TATDN1: variants seen among roughly 807,000 people sequenced by gnomAD.
The protein encoded by TATDN1 is TatD DNase domain containing 1, also known as deoxyribonuclease TATDN1.
A neutral mutation model predicts 46.4 loss-of-function variants in TATDN1; 40 were observed. The observed-to-expected ratio is 0.86, with a 90% CI of 0.67 to 1.12. TATDN1 has a LOEUF of 1.12. TATDN1 is among the 50% of genes most tolerant of loss of function. The pLI, the probability that TATDN1 is intolerant of heterozygous loss-of-function variation, is 0.00. For synonymous variants in TATDN1, 95 were observed against 105.6 expected, an observed-to-expected ratio of 0.90 and a Z score of 0.62; for missense variants, 326 against 348.4, an observed-to-expected ratio of 0.94 and a Z score of 0.51.
chr8:124,490,022 C>T (rs1210427082), intron 11 of TATDN1: 1 of 152,156 alleles, frequency 6.6e-6, no homozygotes, highest in South Asian at 2.1e-4. Context: ...TCAAGATACA[C>T]TAAAAGCAAA....
intron 9 of TATDN1, among the ~76,000 whole-genome samples, chr8:124,502,340 CAAA>C (rs1278936566): frequency 3.1e-5 from 2 of 64,698 alleles, no homozygotes; most frequent in African/African-American, 5.7e-5. Flanking sequence ...GAGTCCCTCT[CAAA>C]AAAAAAAAAA....
At chr8:124,495,388 A>G (rs1817376620) in intron 10 of TATDN1, 84 bp downstream of exon 10, 1 of 1,000,012 alleles carries the variant, frequency 1.0e-6, no homozygotes, top group Non-Finnish European at 1.5e-6. Context: ...GTTCACTTAA[A>G]GTTTGAAGTC....
Position 124,539,069 on chromosome 8 carries a change from CAGCGGA to C in TATDN1, c.-29_-24del. 1 of 1,612,184 alleles carries C rather than the reference CAGCGGA, an allele frequency of 6.2e-7. No homozygotes were observed. The highest frequency in any genetic ancestry group is 8.5e-7 in the Non-Finnish European group (1 of 1,178,382). The stretch of plus-strand genomic sequence containing the variant: ...CATGACTGCGCATGGAGGACCTCCC[CAGCGGA>C]AGCGGAAGTGGCCGCCGGCAACTCC... On this transcript the variant is annotated 5_prime_UTR_variant, in exon 1 of 12. Coordinates refer to ENST00000276692, the MANE Select transcript of TATDN1 (RefSeq NM_032026.4).
At chr8:124,532,977 G>C (rs531828672) in intron 1 of TATDN1, among the ~76,000 whole-genome samples, 45 of 152,360 alleles carry the variant, frequency 3.0e-4, no homozygotes, top group African/African-American at 1.0e-3. Context: ...ACGGGGCCAG[G>C]TGTAGTGGCT....
chr8:124,522,949 G>C lies in TATDN1; in HGVS notation c.76C>G (p.Gln26Glu). ...PMFRGIYRGV[Q>E]KHQDDLQDVI... Reference sequence around the variant, plus strand: ...AGGAAATATTTACCTTGATGCTTTTGAACCCCCCTATAAATTCCTCTGAAC... The same window carrying C: ...AGGAAATATTTACCTTGATGCTTTTCAACCCCCCTATAAATTCCTCTGAAC... Residue 26 changes from glutamine (Q) to glutamate (E), a missense_variant, in exon 2 of 12, where the codon CAA becomes GAA. Coordinates refer to ENST00000276692, the MANE Select transcript of TATDN1 (RefSeq NM_032026.4). 1.2e-6 allele frequency: 2 copies of C among 1,613,116 alleles called. No individual in the cohort carries two copies. Among genetic ancestry groups the C allele is most frequent in the Non-Finnish European group, 1.7e-6 (2 of 1,179,484 alleles).
chr8:124,499,637 G>A (rs183362692), intron 9 of TATDN1, among the ~76,000 whole-genome samples: 13 of 151,876 alleles, frequency 8.6e-5, no homozygotes, highest in African/African-American at 2.4e-4. Flanking sequence ...TCCGCCTCCC[G>A]GGTTCACGCC....
chr8:124,525,591 T>G (rs79765402), intron 1 of TATDN1, among the ~76,000 whole-genome samples: 10,376 of 152,146 alleles, frequency 0.068, 1,187 homozygotes, highest in African/African-American at 0.23. Flanking sequence ...AAAATGTGGC[T>G]CAAAACCAAA....
chr8:124,506,720 A>G (rs187658635), intron 8 of TATDN1, among the ~76,000 whole-genome samples: 25 of 152,330 alleles, frequency 1.6e-4, no homozygotes, highest in African/African-American at 5.8e-4. Flanking sequence ...TAGCAGGCAT[A>G]GTGTAACTGT....
intron 9 of TATDN1, among the ~76,000 whole-genome samples, chr8:124,501,519 A>G (rs1210117168): frequency 6.6e-6 from 1 of 152,186 alleles, no homozygotes; most frequent in Admixed American, 6.5e-5. Context: ...CTGTGAGGAA[A>G]CAAATGCAGG....
At chr8:124,509,207 G>A (rs576886204) in intron 6 of TATDN1, among the ~76,000 whole-genome samples, 7 of 152,208 alleles carry the variant, frequency 4.6e-5, no homozygotes, top group Non-Finnish European at 7.3e-5. Context: ...ATCTTAAAGA[G>A]TACTTGATAA....
At chr8:124,518,289 C>A (rs1336877869) in intron 4 of TATDN1, among the ~76,000 whole-genome samples, 8 of 140,112 alleles carry the variant, frequency 5.7e-5, no homozygotes, top group African/African-American at 2.1e-4. Context: ...CTTTGGGAGG[C>A]TGAGGCGGGT....
intron 1 of TATDN1, 48 bp from the exon 2 acceptor site, chr8:124,523,050 A>G: frequency 6.6e-7 from 1 of 1,515,218 alleles, no homozygotes; most frequent in South Asian, 1.2e-5. Flanking sequence ...TCTACATGAA[A>G]CTTGTACTTA....
intron 2 of TATDN1, among the ~76,000 whole-genome samples, 158 bp downstream of exon 2, chr8:124,522,779 T>C (rs1404446784): frequency 1.3e-5 from 2 of 152,184 alleles, no homozygotes; most frequent in Non-Finnish European, 2.9e-5. Flanking sequence ...GCTCTTGAAC[T>C]CCTGAGCTCA....
chr8:124,514,742 T>C (rs562734479), intron 6 of TATDN1, among the ~76,000 whole-genome samples: 10 of 152,318 alleles, frequency 6.6e-5, no homozygotes, highest in Middle Eastern at 3.4e-3. Context: ...CCCACCAGTA[T>C]GATGACAGGA....
In TATDN1 at chr8:124,509,386, G is replaced by A. The variant is rs148892564; in HGVS notation, c.390-698C>T. Reference sequence around the variant, plus strand: ...TCTAATTCCAAGTCCCAGCCTAAACGACAAAAACCTGTTACGTTTTCAAGA... The same window carrying A: ...TCTAATTCCAAGTCCCAGCCTAAACAACAAAAACCTGTTACGTTTTCAAGA... On this transcript the variant is annotated intron_variant, in intron 6 of 11. Coordinates refer to ENST00000276692, the MANE Select transcript of TATDN1 (RefSeq NM_032026.4). 3.0e-3 allele frequency among the ~76,000 whole-genome samples: 452 copies of A among 152,298 alleles called. 1 individual carries two copies. The highest frequency in any genetic ancestry group is 3.2e-3 in the Non-Finnish European group (219 of 68,028).
chr8:124,515,644 A>G (rs1386644982), intron 6 of TATDN1, 102 bp downstream of exon 6: 1 of 1,180,900 alleles, frequency 8.5e-7, no homozygotes, highest in Non-Finnish European at 1.2e-6. Context: ...AAAAACAAAA[A>G]TATCCTCATG....
intron 9 of TATDN1, among the ~76,000 whole-genome samples, chr8:124,500,466 G>GGAGGCA (rs1433719574): frequency 5.3e-5 from 8 of 152,102 alleles, no homozygotes; most frequent in African/African-American, 1.9e-4. Flanking sequence ...AAGCACTCTG[G>GGAGGCA]GAGGCAGAGG....
chr8:124,515,783 C>A lies in TATDN1; in HGVS notation c.352G>T (p.Asp118Tyr). 1 of 1,613,736 alleles carries A rather than the reference C, an allele frequency of 6.2e-7. No individual in the cohort carries two copies. Among genetic ancestry groups the A allele is most frequent in the South Asian group, 1.1e-5 (1 of 90,944 alleles). Residue 118 changes from aspartate (D) to tyrosine (Y), a missense_variant, in exon 6 of 12, where the codon GAC becomes TAC. Asp to Tyr is a radical substitution (Grantham distance 160). Coordinates refer to ENST00000276692, the MANE Select transcript of TATDN1 (RefSeq NM_032026.4). ...TCTTTGGGACAAAACTGCAGTCGGT[C>A]AAAATCTTTAAAAAGATAAAGAAGA... ...VAIGECGLDF[D>Y]RLQFCPKDTQ...
chr8:124,523,323 G>T (rs1244976438), intron 1 of TATDN1: 2 of 256,442 alleles, frequency 7.8e-6, no homozygotes, highest in Admixed American at 1.0e-4. Context: ...TGGCTCAGAA[G>T]AGGCTTCCAG....
Sources: gnomAD v4.1 joint callset for allele counts (sites outside exome capture counted in the v4.1 genomes callset) on GRCh38, gnomAD v4.1.1 for gene constraint, MANE v1.5 for transcripts, NCBI Gene and HGNC (gene_info 2026-07-23, HGNC 2026-07-21) for gene names.